The following ASB13 variants were observed in gnomAD, a reference collection of about 807,000 sequenced individuals.
ASB13 encodes the protein ankyrin repeat and SOCS box containing 13.
A neutral mutation model predicts 28.8 loss-of-function variants in ASB13; 33 were observed. That is an observed-to-expected ratio of 1.15 (90% CI 0.87 to 1.53). The LOEUF (loss-of-function observed/expected upper bound fraction) is 1.53. Among genes scored for constraint, ASB13 ranks in the 40% most tolerant of loss-of-function variants. ASB13 has a pLI of 0.00. For missense variants in ASB13, 414 were observed against 390.1 expected (o/e 1.06, Z -0.52); for synonymous variants, 182 against 172.9 (o/e 1.05, Z -0.41).
Position 5,645,920 on chromosome 10 carries a change from G to A in ASB13, c.517+3050C>T, listed in dbSNP as rs779703760. On this transcript the variant is annotated intron_variant, in intron 4 of 5. Coordinates refer to ENST00000357700, the MANE Select transcript of ASB13 (RefSeq NM_024701.4). This position sits in a 1 kb window ranked among gnomAD's most constrained non-coding sequence, Gnocchi z 5.4. ...CTCCTCTGTATGTTTGAAATTTTCC[G>A]CAATGAAAAAATGGTTTCTAAGAAG... 6.6e-6 allele frequency among the ~76,000 whole-genome samples: 1 copy of A among 152,100 alleles called. No individual in the cohort carries two copies. Among genetic ancestry groups the A allele is most frequent in the Admixed American group, 6.5e-5 (1 of 15,268 alleles).
At chr10:5,654,477 T>A (rs1835040958) in intron 1 of ASB13, among the ~76,000 whole-genome samples, 1 of 152,172 alleles carries the variant, frequency 6.6e-6, no homozygotes, top group South Asian at 2.1e-4. Flanking sequence ...CCGGGCTTAG[T>A]CATGTTTCTT....
intron 1 of ASB13, 138 bp from the exon 2 acceptor site, chr10:5,653,188 A>T: frequency 1.0e-6 from 1 of 959,048 alleles, no homozygotes; most frequent in Non-Finnish European, 1.5e-6. Context: ...TTCTACAAAG[A>T]TCCCTGAGCC....
chr10:5,663,047 C>A lies in ASB13; in HGVS notation c.43+3462G>T, dbSNP rs1450818669. 6.6e-6 allele frequency among the ~76,000 whole-genome samples: 1 copy of A among 152,132 alleles called. No homozygotes were observed. Among genetic ancestry groups the A allele is most frequent in the Non-Finnish European group, 1.5e-5 (1 of 68,040 alleles). ...TCAACCATGTCTTTTTAAATGTTTTCATTATGAATCCCCAAAATATAGTTT... is the reference window on the plus strand; with the variant it reads ...TCAACCATGTCTTTTTAAATGTTTTAATTATGAATCCCCAAAATATAGTTT... On this transcript the variant is annotated intron_variant, in intron 1 of 5. Transcript: ENST00000357700. The surrounding 1 kb of genome is among the most constrained non-coding windows in gnomAD (Gnocchi z 4.9).
chr10:5,666,451 C>A, intron 1 of ASB13, 58 bp downstream of exon 1: 1 of 1,253,638 alleles, frequency 8.0e-7, no homozygotes. Flanking sequence ...GGATACGCGG[C>A]CGGCCTCAGG....
chr10:5,644,151 G>A lies in ASB13; in HGVS notation c.518-2190C>T, dbSNP rs1367946884. Among the ~76,000 whole-genome samples, 1 of 152,230 alleles carries A rather than the reference G, an allele frequency of 6.6e-6. No individual in the cohort carries two copies. Among genetic ancestry groups the A allele is most frequent in the Non-Finnish European group, 1.5e-5 (1 of 68,046 alleles). ...GGATCCTGAAAGTATAGCACTGAGT[G>A]AGCCAAGAAGAGAGTCAGAGATGAA... On this transcript the variant is annotated intron_variant, in intron 4 of 5. Transcript: ENST00000357700. The surrounding 1 kb of genome is among the most constrained non-coding windows in gnomAD (Gnocchi z 5.1).
chr10:5,649,042 G>A lies in ASB13; in HGVS notation c.445C>T (p.His149Tyr), dbSNP rs1311525128. The change falls in exon 4 of 6, where the codon CAT becomes TAT. Residue 149 changes from histidine (H) to tyrosine (Y), a missense_variant. By Grantham distance (83) the His-to-Tyr change is moderately conservative. Transcript: ENST00000357700. The surrounding 1 kb of genome is among the most constrained non-coding windows in gnomAD (Gnocchi z 6.4). The stretch of plus-strand genomic sequence containing the variant: ...GCAACGTGCAGAGGGGTCCCAAAAT[G>A]GCAATCGTGCGCTTCCAGATTGGCC... Reference protein sequence around the residue: ...VGANLEAHDCHFGTPLHVACA... With the variant: ...VGANLEAHDCYFGTPLHVACA... 6 of 1,614,138 alleles carry A rather than the reference G, an allele frequency of 3.7e-6. No individual in the cohort carries two copies. Among genetic ancestry groups the A allele is most frequent in the Non-Finnish European group, 5.1e-6 (6 of 1,180,054 alleles).
At position 5,652,454 on chromosome 10, in the gene ASB13, AAC is replaced by A. The variant is rs1835002883; in HGVS notation, c.231+407_231+408del. ...GAACATTTACACCAGGGAAAGCAGC[AAC>A]ACAGTTTTGTTTTTGTTCCTTTTTT... On this transcript the variant is annotated intron_variant, in intron 2 of 5. Transcript: ENST00000357700. The surrounding 1 kb of genome is among the most constrained non-coding windows in gnomAD (Gnocchi z 5.0). Among the ~76,000 whole-genome samples the A allele has an allele frequency of 1.3e-5, 2 of 152,204 alleles. No individual in the cohort carries two copies. The highest frequency in any genetic ancestry group is 1.9e-4 in the East Asian group (1 of 5,180).
chr10:5,657,118 T>C (rs905132448), intron 1 of ASB13, among the ~76,000 whole-genome samples: 4 of 152,170 alleles, frequency 2.6e-5, no homozygotes, highest in Non-Finnish European at 4.4e-5. Context: ...TTATTTCTAG[T>C]GAATCACATC....
Position 5,645,590 on chromosome 10 carries a change from T to C in ASB13, c.517+3380A>G, listed in dbSNP as rs1834872641. ...ACGTGGCTCTGCCTCACAGCTCAGC[T>C]CTCAAACCGCACATGAAAGCACCTG... On this transcript the variant is annotated intron_variant, in intron 4 of 5. Coordinates refer to ENST00000357700, the MANE Select transcript of ASB13 (RefSeq NM_024701.4). This position sits in a 1 kb window ranked among gnomAD's most constrained non-coding sequence, Gnocchi z 5.4. 6.6e-6 allele frequency among the ~76,000 whole-genome samples: 1 copy of C among 152,032 alleles called. No homozygotes were observed. Among genetic ancestry groups the C allele is most frequent in the Admixed American group, 6.5e-5 (1 of 15,274 alleles).
intron 1 of ASB13, among the ~76,000 whole-genome samples, chr10:5,657,591 C>G (rs575784628): frequency 6.6e-6 from 1 of 152,210 alleles, no homozygotes; most frequent in East Asian, 1.9e-4. Flanking sequence ...AATGGTCTAG[C>G]CACTGTGGAA....
chr10:5,663,508 G>C lies in ASB13; in HGVS notation c.43+3001C>G, dbSNP rs1217202134. Among the ~76,000 whole-genome samples the C allele has an allele frequency of 6.6e-6, 1 of 152,168 alleles. No individual in the cohort carries two copies. Among genetic ancestry groups the C allele is most frequent in the Non-Finnish European group, 1.5e-5 (1 of 68,038 alleles). On this transcript the variant is annotated intron_variant, in intron 1 of 5. Transcript: ENST00000357700. The surrounding 1 kb of genome is among the most constrained non-coding windows in gnomAD (Gnocchi z 4.9). ...CCCCCAGTCCCACCCTCAAGGCACT[G>C]TGGGAGCTCAGGCCCTGACTCAGGA...
At chr10:5,648,859 TAAACACCCACTCGGGC>T (rs1204026133) in intron 4 of ASB13, 95 bp downstream of exon 4, 5 of 1,508,592 alleles carry the variant, frequency 3.3e-6, no homozygotes, top group African/African-American at 1.5e-5. Flanking sequence ...CCCACTCGGG[TAAACACCCACTCGGGC>T]AAACACCCAC....
intron 1 of ASB13, among the ~76,000 whole-genome samples, chr10:5,653,672 T>C (rs1270199803): frequency 2.5e-5 from 3 of 119,728 alleles, no homozygotes; most frequent in Non-Finnish European, 3.3e-5. Context: ...ATTTATTTAT[T>C]TATTTATTTA....
chr10:5,649,379 C>A lies in ASB13; in HGVS notation c.383-275G>T, dbSNP rs953760058. ...TGTGAGAACAGAAGACATGGGGCAC[C>A]ACCTAGAATGGGTCAGGGAAAACTC... On this transcript the variant is annotated intron_variant, in intron 3 of 5. Coordinates refer to ENST00000357700, the MANE Select transcript of ASB13 (RefSeq NM_024701.4). This position sits in a 1 kb window ranked among gnomAD's most constrained non-coding sequence, Gnocchi z 6.4. Among the ~76,000 whole-genome samples the A allele has an allele frequency of 6.6e-6, 1 of 152,196 alleles. No individual in the cohort carries two copies. The highest frequency in any genetic ancestry group is 1.5e-5 in the Non-Finnish European group (1 of 68,034).
At position 5,649,239 on chromosome 10, in the gene ASB13, C is replaced by G; in HGVS notation, c.383-135G>C. 8.0e-7 allele frequency: 1 copy of G among 1,253,680 alleles called. No homozygotes were observed. The highest frequency in any genetic ancestry group is 2.0e-5 in the Admixed American group (1 of 49,878). The allele number at this position is 1,253,680 out of a possible 1,614,324, so 77.7% of individuals were successfully genotyped here. A position where few individuals can be genotyped will look rare whatever the true frequency, so the allele number is the denominator to read the frequency against. ...AAGCCAGGCAGGCCTGCGTCCCAAC[C>G]TAGGGAGGAGTTCATGACCCGCATG... On this transcript the variant is annotated intron_variant, in intron 3 of 5. Transcript: ENST00000357700. This position sits in a 1 kb window ranked among gnomAD's most constrained non-coding sequence, Gnocchi z 6.4.
At position 5,660,887 on chromosome 10, in the gene ASB13, A is replaced by C. The variant is rs1835148442; in HGVS notation, c.43+5622T>G. On this transcript the variant is annotated intron_variant, in intron 1 of 5. Transcript: ENST00000357700. The surrounding 1 kb of genome is among the most constrained non-coding windows in gnomAD (Gnocchi z 6.1). ...CCCCTCCATCGCTCCCTGCCTTGCA[A>C]GCCACCCAGCAGTGTGCCGGGCCAT... Among the ~76,000 whole-genome samples, 1 of 152,072 alleles carries C rather than the reference A, an allele frequency of 6.6e-6. No individual in the cohort carries two copies. The highest frequency in any genetic ancestry group is 1.5e-5 in the Non-Finnish European group (1 of 68,010).
intron 4 of ASB13, among the ~76,000 whole-genome samples, chr10:5,647,980 C>A (rs1055657599): frequency 6.7e-6 from 1 of 148,386 alleles, no homozygotes; most frequent in African/African-American, 2.5e-5. Context: ...CCCACTCAGG[C>A]AAACACCCAC....
chr10:5,648,866 C>A, intron 4 of ASB13, 104 bp downstream of exon 4: 1 of 1,551,904 alleles, frequency 6.4e-7, no homozygotes, highest in East Asian at 2.3e-5. Context: ...GGGTAAACAC[C>A]CACTCGGGCA....
In ASB13 at chr10:5,642,484, G is replaced by A; in HGVS notation, c.518-523C>T. 1 of 1,202,128 alleles carries A rather than the reference G, an allele frequency of 8.3e-7. No homozygotes were observed. Among genetic ancestry groups the A allele is most frequent in the Non-Finnish European group, 1.0e-6 (1 of 953,700 alleles). The allele number at this position is 1,202,128 out of a possible 1,614,324, so 74.5% of individuals were successfully genotyped here. On this transcript the variant is annotated intron_variant, in intron 4 of 5. Coordinates refer to ENST00000357700, the MANE Select transcript of ASB13 (RefSeq NM_024701.4). The surrounding 1 kb of genome is among the most constrained non-coding windows in gnomAD (Gnocchi z 4.1). ...AACAGATAACGTACCCAAAACAGTAGGCAATTCAGAGAAGAGAGTAAGCTC... is the reference window on the plus strand; with the variant it reads ...AACAGATAACGTACCCAAAACAGTAAGCAATTCAGAGAAGAGAGTAAGCTC...
Sources: gnomAD v4.1 joint callset for allele counts (sites outside exome capture counted in the v4.1 genomes callset) on GRCh38, gnomAD v4.1.1 for gene constraint, Gnocchi (gnomAD v3.1) non-coding constraint, MANE v1.5 for transcripts, NCBI Gene and HGNC (gene_info 2026-07-23, HGNC 2026-07-21) for gene names.